Variants in LIPA observed in about 807,000 individuals in gnomAD.
LIPA encodes lipase A, lysosomal acid type.
In LIPA, 26 loss-of-function variants were observed where a neutral mutation model predicts 40.6. That is an observed-to-expected ratio of 0.64 (90% CI 0.47 to 0.89). LIPA has a LOEUF of 0.89. LIPA is among the 40% of genes least tolerant of loss of function. The probability of loss-of-function intolerance (pLI) is 0.00; values close to 1 mark genes in which losing one functional copy is unlikely to be tolerated. For synonymous variants in LIPA, 188 were observed against 168.4 expected, an observed-to-expected ratio of 1.12 and a Z score of -0.90; for missense variants, 455 against 479.6, an observed-to-expected ratio of 0.95 and a Z score of 0.48.
intron 2 of LIPA, among the ~76,000 whole-genome samples, chr10:89,378,302 TAATAA>T (rs1844137324): frequency 6.6e-6 from 1 of 152,162 alleles, no homozygotes; most frequent in Non-Finnish European, 1.5e-5. Flanking sequence ...AAGAAGAGTT[TAATAA>T]GGGGGCTATT....
chr10:89,251,525 C>T (rs1426355835), intron 1 of LIPA, among the ~76,000 whole-genome samples: 2 of 152,216 alleles, frequency 1.3e-5, no homozygotes, highest in Non-Finnish European at 2.9e-5. Context: ...TCTGAAGTTG[C>T]TCTCTGAAGT....
intron 2 of LIPA, among the ~76,000 whole-genome samples, chr10:89,365,577 G>A (rs1844050567): frequency 6.6e-6 from 1 of 152,052 alleles, no homozygotes; most frequent in African/African-American, 2.4e-5. Flanking sequence ...GGTTTTTATG[G>A]TTTTAGGTCT....
chr10:89,292,228 T>C (rs928806217), intron 1 of LIPA: 1 of 152,270 alleles, frequency 6.6e-6, no homozygotes, highest in African/African-American at 2.4e-5. Flanking sequence ...TTCCAAAACT[T>C]GATTTTCCAC....
chr10:89,365,748 A>G lies in LIPA; in HGVS notation c.61+47043T>C, dbSNP rs1212933804. On this transcript the variant is annotated intron_variant, in intron 2 of 8. Transcript: ENST00000371837. The stretch of plus-strand genomic sequence containing the variant: ...CTTGTTTTTGTCAGGTTTGTCAAAG[A>G]TCAGATGGTTGTAGATGTGTGGTAT... 2.0e-5 allele frequency among the ~76,000 whole-genome samples: 3 copies of G among 152,122 alleles called. No homozygotes were observed. The East Asian group carries it at 5.8e-4, about 29-fold the overall frequency.
intron 1 of LIPA, chr10:89,339,886 C>G (rs201679118): frequency 6.2e-7 from 1 of 1,614,162 alleles, no homozygotes; most frequent in Non-Finnish European, 8.5e-7. Context: ...AAATCTGCTT[C>G]CACAAAATGC....
At chr10:89,387,213 G>A (rs1054378229) in intron 2 of LIPA, among the ~76,000 whole-genome samples, 15 of 151,604 alleles carry the variant, frequency 9.9e-5, no homozygotes, top group African/African-American at 2.9e-4. Flanking sequence ...CTACTCGGGA[G>A]GCTGAGGCAG....
chr10:89,391,280 C>T (rs1325166949), intron 2 of LIPA, among the ~76,000 whole-genome samples: 1 of 152,172 alleles, frequency 6.6e-6, no homozygotes, highest in Non-Finnish European at 1.5e-5. Flanking sequence ...GTGGTGTGAC[C>T]ATGGCTCACT....
chr10:89,251,119 C>A lies in LIPA; in HGVS notation c.-2+618G>T, dbSNP rs1180800440. ...ACAATTATTACGACTCCCATTTAAG[C>A]TCTTGCGAGGCGCCAGCCACCGCAG... On this transcript the variant is annotated intron_variant, in intron 1 of 9. Transcript: ENST00000336233. Among the ~76,000 whole-genome samples, 4 of 152,346 alleles carry A rather than the reference C, an allele frequency of 2.6e-5. No homozygotes were observed. The South Asian group carries it at 8.3e-4, about 32-fold the overall frequency.
At chr10:89,220,049 G>A (rs998304188) in intron 8 of LIPA, among the ~76,000 whole-genome samples, 1 of 152,184 alleles carries the variant, frequency 6.6e-6, no homozygotes, top group South Asian at 2.1e-4. Context: ...GATGATAGCC[G>A]ATCCAATGTC....
At chr10:89,394,494 CTCATGTGATTATT>C in intron 2 of LIPA, among the ~76,000 whole-genome samples, 1 of 150,606 alleles carries the variant, frequency 6.6e-6, no homozygotes, top group East Asian at 1.9e-4. Flanking sequence ...TCAGTGGGGG[CTCATGTGATTATT>C]TCAGATGGCA....
intron 2 of LIPA, among the ~76,000 whole-genome samples, chr10:89,376,947 T>A (rs921209581): frequency 6.6e-6 from 1 of 152,186 alleles, no homozygotes; most frequent in African/African-American, 2.4e-5. Context: ...ATGAGAAGAC[T>A]GTAATGAAGT....
intron 1 of LIPA, among the ~76,000 whole-genome samples, chr10:89,271,599 T>C (rs1013116346): frequency 6.6e-6 from 1 of 152,184 alleles, no homozygotes; most frequent in African/African-American, 2.4e-5. Flanking sequence ...CTCTTTGTAT[T>C]TCCATATCCT....
intron 1 of LIPA, among the ~76,000 whole-genome samples, chr10:89,321,970 C>A (rs1843574634): frequency 6.6e-6 from 1 of 151,774 alleles, no homozygotes; most frequent in East Asian, 1.9e-4. Flanking sequence ...ATCGCAAGGA[C>A]AGAAAACCAA....
chr10:89,239,610 C>A (rs778886160), intron 3 of LIPA, among the ~76,000 whole-genome samples: 2 of 152,186 alleles, frequency 1.3e-5, no homozygotes, highest in Non-Finnish European at 2.9e-5. Context: ...GGAAGAAAAC[C>A]GTTCCATGCC....
chr10:89,378,127 C>T (rs1246762499), intron 2 of LIPA: 6 of 1,613,628 alleles, frequency 3.7e-6, no homozygotes, highest in Non-Finnish European at 5.1e-6. Context: ...CTGCTATCTT[C>T]ATAGCACCAT....
chr10:89,344,633 A>G (rs1843902397), upstream of LIPA, among the ~76,000 whole-genome samples: 1 of 151,658 alleles, frequency 6.6e-6, no homozygotes, highest in Admixed American at 6.6e-5. Context: ...AAAAACCTCA[A>G]GTAGAAAATT....
chr10:89,245,892 T>C (rs1843018111), intron 2 of LIPA, 99 bp from the exon 3 acceptor site: 1 of 778,574 alleles, frequency 1.3e-6, no homozygotes, highest in Non-Finnish European at 2.4e-6. Flanking sequence ...TCTCCAGGCT[T>C]TAAGAAAGCA....
chr10:89,358,215 C>A (rs145643517), intron 2 of LIPA, among the ~76,000 whole-genome samples: 168 of 152,210 alleles, frequency 1.1e-3, no homozygotes, highest in African/African-American at 3.8e-3. Flanking sequence ...AAATGCCCTG[C>A]AGAATCAAAA....
At chr10:89,340,057 G>T in intron 1 of LIPA, 1 of 1,614,122 alleles carries the variant, frequency 6.2e-7, no homozygotes, top group Non-Finnish European at 8.5e-7. Flanking sequence ...GGATGGTAGT[G>T]AGGAAATGGG....
Sources: allele counts gnomAD v4.1 joint callset (sites outside exome capture counted in the v4.1 genomes callset), GRCh38; gene constraint gnomAD v4.1.1; transcripts MANE v1.5; gene names NCBI Gene and HGNC (gene_info 2026-07-23, HGNC 2026-07-21).